Variants in PTPRK observed in about 807,000 individuals in gnomAD.
PTPRK encodes protein tyrosine phosphatase receptor type K.
A neutral mutation model predicts 178.0 loss-of-function variants in PTPRK; 75 were observed. The observed-to-expected ratio is 0.42, with a 90% CI of 0.35 to 0.51. The LOEUF (loss-of-function observed/expected upper bound fraction) is 0.51, where lower values mean the gene tolerates loss of function less well. Among genes scored for constraint, PTPRK ranks in the 20% least tolerant of loss-of-function variants. PTPRK has a pLI of 0.02. For missense variants in PTPRK, 1,441 were observed against 1,797.8 expected (o/e 0.80, Z 3.59); for synonymous variants, 637 against 620.6 (o/e 1.03, Z -0.39).
intron 1 of PTPRK, among the ~76,000 whole-genome samples, chr6:128,455,189 G>C (rs901512987): frequency 3.9e-5 from 6 of 151,990 alleles, no homozygotes; most frequent in Non-Finnish European, 8.8e-5. Context: ...ATTCAAACAG[G>C]TGTTGCCCAC....
chr6:128,363,019 G>C (rs1297556285), intron 2 of PTPRK, among the ~76,000 whole-genome samples: 1 of 152,128 alleles, frequency 6.6e-6, no homozygotes, highest in Admixed American at 6.6e-5. Context: ...AGAATCACTG[G>C]GAATTCAGTA....
At chr6:128,469,069 C>T (rs1423437907) in intron 1 of PTPRK, among the ~76,000 whole-genome samples, 3 of 152,062 alleles carry the variant, frequency 2.0e-5, no homozygotes, top group Non-Finnish European at 4.4e-5. Context: ...GTACTTTTCA[C>T]ATTTGTAGGA....
intron 1 of PTPRK, among the ~76,000 whole-genome samples, chr6:128,456,564 C>T (rs1055141116): frequency 6.6e-6 from 1 of 151,872 alleles, no homozygotes; most frequent in African/African-American, 2.4e-5. Flanking sequence ...GTTATGCAGT[C>T]CCTCAAGTAT....
chr6:128,100,086 C>T (rs1234234586), intron 7 of PTPRK, among the ~76,000 whole-genome samples: 2 of 151,936 alleles, frequency 1.3e-5, no homozygotes, highest in Admixed American at 1.3e-4. Flanking sequence ...CAACAAGCAT[C>T]AAGCTGAGAT....
At chr6:128,412,767 T>C (rs2128380387) in intron 1 of PTPRK, among the ~76,000 whole-genome samples, 1 of 152,356 alleles carries the variant, frequency 6.6e-6, no homozygotes, top group Admixed American at 6.5e-5. Flanking sequence ...TGGCTTCCGG[T>C]TGGCCCAGGA....
intron 2 of PTPRK, among the ~76,000 whole-genome samples, chr6:128,379,403 T>C (rs1277350096): frequency 2.0e-5 from 3 of 152,160 alleles, no homozygotes; most frequent in South Asian, 4.1e-4. Flanking sequence ...CACAATACAC[T>C]TGTTACTTCG....
At chr6:128,407,952 T>C (rs970841901) in intron 1 of PTPRK, among the ~76,000 whole-genome samples, 1 of 152,226 alleles carries the variant, frequency 6.6e-6, no homozygotes, top group Non-Finnish European at 1.5e-5. Flanking sequence ...GTATCTTCTC[T>C]GTAGTATTAT....
intron 15 of PTPRK, among the ~76,000 whole-genome samples, chr6:128,003,671 G>C (rs1001095778): frequency 6.6e-6 from 1 of 151,688 alleles, no homozygotes; most frequent in African/African-American, 2.4e-5. Context: ...TTCAAATAAG[G>C]CCCTAAGGTA....
chr6:128,481,812 T>A (rs1038033821), intron 1 of PTPRK, among the ~76,000 whole-genome samples: 2 of 152,098 alleles, frequency 1.3e-5, no homozygotes, highest in African/African-American at 4.8e-5. Context: ...AAGACATACA[T>A]ACTTCAAAGA....
chr6:128,299,969 C>G (rs1453408623), intron 3 of PTPRK, among the ~76,000 whole-genome samples: 1 of 152,060 alleles, frequency 6.6e-6, no homozygotes, highest in Non-Finnish European at 1.5e-5. Flanking sequence ...TCGCAACCTA[C>G]TCATCTGACA....
At chr6:128,409,886 A>G (rs935541811) in intron 1 of PTPRK, among the ~76,000 whole-genome samples, 3 of 152,214 alleles carry the variant, frequency 2.0e-5, no homozygotes, top group Non-Finnish European at 4.4e-5. Flanking sequence ...CTGTAAGTCC[A>G]TTAAACCTCT....
chr6:128,022,285 CTTCA>C, intron 13 of PTPRK, among the ~76,000 whole-genome samples: 1 of 152,282 alleles, frequency 6.6e-6, no homozygotes, highest in East Asian at 1.9e-4. Flanking sequence ...CCTGCGACCA[CTTCA>C]TAAAACACTG....
chr6:128,356,945 GT>G (rs2128340113), intron 2 of PTPRK, among the ~76,000 whole-genome samples: 2 of 152,256 alleles, frequency 1.3e-5, no homozygotes, highest in East Asian at 3.9e-4. Flanking sequence ...TATCAATGCT[GT>G]TTCAGAGAAG....
intron 3 of PTPRK, among the ~76,000 whole-genome samples, chr6:128,309,386 G>C (rs1481754871): frequency 1.3e-5 from 2 of 152,074 alleles, no homozygotes; most frequent in Non-Finnish European, 2.9e-5. Flanking sequence ...GAGAGGGGTG[G>C]GGGAGCCTAG....
intron 6 of PTPRK, among the ~76,000 whole-genome samples, chr6:128,203,151 AAAAAAC>A (rs148582999): frequency 5.3e-5 from 8 of 152,168 alleles, no homozygotes; most frequent in Non-Finnish European, 8.8e-5. Flanking sequence ...ACTAAAGACA[AAAAAAC>A]AAAAACAAAA....
intron 2 of PTPRK, among the ~76,000 whole-genome samples, chr6:128,337,392 C>G (rs775235478): frequency 6.6e-6 from 1 of 152,096 alleles, no homozygotes; most frequent in Non-Finnish European, 1.5e-5. Context: ...TTTACCCAAT[C>G]CTCCAGTGAG....
chr6:128,415,281 T>A (rs1049999000), intron 1 of PTPRK, among the ~76,000 whole-genome samples: 2 of 152,144 alleles, frequency 1.3e-5, no homozygotes, highest in Non-Finnish European at 2.9e-5. Context: ...AAGAAAAAAA[T>A]GTTTTTCTCT....
chr6:127,981,365 T>C (rs1300567691), intron 24 of PTPRK, 76 bp from the exon 25 acceptor site: 7 of 1,298,970 alleles, frequency 5.4e-6, no homozygotes, highest in African/African-American at 4.5e-5. Context: ...ATCAGGAATT[T>C]AGAAGGCCAA....
rs541374206 is a variant in PTPRK at position 128,172,832 on chromosome 6, T to G, written c.1162+11600A>C. ...ATATCTAGCATATATACATATATAT[T>G]CTCTCACACACACGAACTATAGGTA... is the stretch of plus-strand genomic sequence containing the variant. On this transcript the variant is annotated intron_variant, in intron 7 of 29. Coordinates refer to ENST00000368226, the MANE Select transcript of PTPRK (RefSeq NM_002844.4). Among the ~76,000 whole-genome samples the G allele has an allele frequency of 4.6e-5, 7 of 151,924 alleles. No homozygotes were observed. The South Asian group carries it at 1.5e-3, about 31-fold the overall frequency.
Sources: gnomAD v4.1 joint callset for allele counts (sites outside exome capture counted in the v4.1 genomes callset) on GRCh38, gnomAD v4.1.1 for gene constraint, MANE v1.5 for transcripts, NCBI Gene and HGNC (gene_info 2026-07-23, HGNC 2026-07-21) for gene names.